The following STUM variants were observed in gnomAD, a reference collection of about 807,000 sequenced individuals.
STUM encodes protein stum homolog.
A neutral mutation model predicts 15.3 loss-of-function variants in STUM; 8 were observed. The ratio of observed to expected loss-of-function variants is 0.52; its 90% confidence interval spans 0.31 to 0.94. The LOEUF (loss-of-function observed/expected upper bound fraction) is 0.94, where lower values mean the gene tolerates loss of function less well. STUM is among the 40% of genes least tolerant of loss of function. STUM has a pLI of 0.05. For missense variants in STUM, 142 were observed against 204.9 expected (o/e 0.69, Z 1.87); for synonymous variants, 78 against 88.7 (o/e 0.88, Z 0.68).
chr1:226,578,946 G>C (rs1667868620), intron 1 of STUM, among the ~76,000 whole-genome samples: 3 of 152,230 alleles, frequency 2.0e-5, no homozygotes, highest in Admixed American at 1.3e-4. Flanking sequence ...TTTTGAAGGA[G>C]AATCTTGGGG....
rs529375747 is a variant in STUM at position 226,572,320 on chromosome 1, A to G, written c.202+23214A>G. 3.3e-5 allele frequency among the ~76,000 whole-genome samples: 5 copies of G among 152,276 alleles called. No homozygotes were observed. In the South Asian group the frequency reaches 8.3e-4, roughly 25 times the overall value. On this transcript the variant is annotated intron_variant, in intron 1 of 3. Transcript: ENST00000366788. ...TTTTCAGTCTGTTTTTCTAATACCT[A>G]CTACATTCATTTAACAACTTTCAAC...
At chr1:226,589,426 C>G (rs1205900757) in intron 1 of STUM, among the ~76,000 whole-genome samples, 1 of 152,162 alleles carries the variant, frequency 6.6e-6, no homozygotes, top group Non-Finnish European at 1.5e-5. Context: ...TTTTCTCTCC[C>G]TACTGCCTTG....
intron 1 of STUM, among the ~76,000 whole-genome samples, chr1:226,593,543 A>G (rs1318765317): frequency 1.3e-5 from 2 of 152,090 alleles, no homozygotes; most frequent in Non-Finnish European, 2.9e-5. Flanking sequence ...GTACACTGTG[A>G]GTTCTTGAGG....
chr1:226,564,480 A>G (rs1223691215), intron 1 of STUM, among the ~76,000 whole-genome samples: 1 of 152,080 alleles, frequency 6.6e-6, no homozygotes, highest in Non-Finnish European at 1.5e-5. Flanking sequence ...AAAGAGTGTG[A>G]TTCTTAACAT....
intron 1 of STUM, among the ~76,000 whole-genome samples, chr1:226,550,379 T>C (rs1226789274): frequency 6.6e-6 from 1 of 152,176 alleles, no homozygotes; most frequent in African/African-American, 2.4e-5. Context: ...TGGCCTTTAG[T>C]TGGGCTTCTC....
intron 2 of STUM, among the ~76,000 whole-genome samples, chr1:226,598,144 G>A (rs1668213202): frequency 6.6e-6 from 1 of 152,196 alleles, no homozygotes; most frequent in Admixed American, 6.5e-5. Context: ...TGTCTGGAGA[G>A]GTGAAGAGCA....
At chr1:226,597,049 A>C in intron 2 of STUM, 68 bp downstream of exon 2, 6 of 1,453,758 alleles carry the variant, frequency 4.1e-6, no homozygotes, top group Non-Finnish European at 5.8e-6. Context: ...GGCTTGGGAG[A>C]CCTTCATGTC....
At position 226,552,100 on chromosome 1, in the gene STUM, G is replaced by A. The variant is rs1332655559; in HGVS notation, c.202+2994G>A. The stretch of plus-strand genomic sequence containing the variant: ...TTTTTTATTTTTATTTTTTCCCTTT[G>A]ATGTAGGTGTCTCAGGTCCATCCAG... On this transcript the variant is annotated intron_variant, in intron 1 of 3. Coordinates refer to ENST00000366788, the MANE Select transcript of STUM (RefSeq NM_001003665.4). The surrounding 1 kb of genome is among the most constrained non-coding windows in gnomAD (Gnocchi z 4.7). 1.3e-5 allele frequency among the ~76,000 whole-genome samples: 2 copies of A among 151,974 alleles called. No homozygotes were observed. The highest frequency in any genetic ancestry group is 2.9e-5 in the Non-Finnish European group (2 of 68,006).
intron 1 of STUM, among the ~76,000 whole-genome samples, chr1:226,572,148 C>A (rs1667721623): frequency 6.6e-6 from 1 of 152,180 alleles, no homozygotes; most frequent in South Asian, 2.1e-4. Context: ...CGGTGAGAAC[C>A]TGCCACCCTT....
chr1:226,557,003 C>G (rs561618383), intron 1 of STUM, among the ~76,000 whole-genome samples: 118 of 152,278 alleles, frequency 7.7e-4, no homozygotes, highest in African/African-American at 2.7e-3. Flanking sequence ...AGTTTACTCC[C>G]TTAGCAACTT....
At chr1:226,581,675 C>CA in intron 1 of STUM, among the ~76,000 whole-genome samples, 1 of 152,136 alleles carries the variant, frequency 6.6e-6, no homozygotes, top group East Asian at 1.9e-4. Context: ...GGAGGATGGA[C>CA]AGCCAGGTAG....
chr1:226,549,439 C>T lies in STUM; in HGVS notation c.202+333C>T, dbSNP rs1418397631. 1.3e-5 allele frequency among the ~76,000 whole-genome samples: 2 copies of T among 152,204 alleles called. No individual in the cohort carries two copies. Among genetic ancestry groups the T allele is most frequent in the Non-Finnish European group, 2.9e-5 (2 of 68,028 alleles). ...TCCCGTCCCGGCGCCCCGATTTCTG[C>T]TCCTTCTCTCCGTCGTGTGCATCCG... On this transcript the variant is annotated intron_variant, in intron 1 of 3. Coordinates refer to ENST00000366788, the MANE Select transcript of STUM (RefSeq NM_001003665.4). This position sits in a 1 kb window ranked among gnomAD's most constrained non-coding sequence, Gnocchi z 6.8.
In STUM at chr1:226,560,357, T is replaced by C. The variant is rs113823978; in HGVS notation, c.202+11251T>C. Reference sequence around the variant, plus strand: ...TTTGGGAACCTTTTTGCCGTTGCTGTCTCCAAGTTCTGCCAGTGCAGGAAT... The same window carrying C: ...TTTGGGAACCTTTTTGCCGTTGCTGCCTCCAAGTTCTGCCAGTGCAGGAAT... On this transcript the variant is annotated intron_variant, in intron 1 of 3. Coordinates refer to ENST00000366788, the MANE Select transcript of STUM (RefSeq NM_001003665.4). 9.7e-3 allele frequency among the ~76,000 whole-genome samples: 1,475 copies of C among 152,234 alleles called. 7 individuals carry two copies. The highest frequency in any genetic ancestry group is 0.015 in the Non-Finnish European group (1,018 of 68,020).
chr1:226,583,977 T>G (rs1239303978), intron 1 of STUM, among the ~76,000 whole-genome samples: 1 of 152,152 alleles, frequency 6.6e-6, no homozygotes, highest in African/African-American at 2.4e-5. Context: ...TCTATTGTTG[T>G]GTAGAAAACA....
At chr1:226,582,640 C>A (rs1415118593) in intron 1 of STUM, among the ~76,000 whole-genome samples, 1 of 151,924 alleles carries the variant, frequency 6.6e-6, no homozygotes, top group Non-Finnish European at 1.5e-5. Context: ...TGAAGGGTCA[C>A]CCCAAAGTCA....
chr1:226,575,157 G>A (rs1180296539), intron 1 of STUM, among the ~76,000 whole-genome samples: 1 of 152,226 alleles, frequency 6.6e-6, no homozygotes, highest in Non-Finnish European at 1.5e-5. Flanking sequence ...GTGGGCTCAG[G>A]CAGTCGGGTA....
intron 1 of STUM, among the ~76,000 whole-genome samples, chr1:226,570,686 C>T (rs116799632): frequency 0.014 from 2,058 of 152,250 alleles, 21 homozygotes; most frequent in South Asian, 0.038. Context: ...GGAGCTGCAG[C>T]ATCCAAACAA....
chr1:226,560,162 A>AC (rs1300353748), intron 1 of STUM, among the ~76,000 whole-genome samples: 5 of 152,198 alleles, frequency 3.3e-5, no homozygotes, highest in African/African-American at 1.2e-4. Context: ...AAGACAAAAA[A>AC]ACACACAAAG....
chr1:226,556,515 C>G (rs1298198069), intron 1 of STUM, among the ~76,000 whole-genome samples: 1 of 152,164 alleles, frequency 6.6e-6, no homozygotes, highest in African/African-American at 2.4e-5. Context: ...AGATGAGCAA[C>G]AGGCTAAACA....
Sources: gnomAD v4.1 joint callset for allele counts (sites outside exome capture counted in the v4.1 genomes callset) on GRCh38, gnomAD v4.1.1 for gene constraint, Gnocchi (gnomAD v3.1) non-coding constraint, MANE v1.5 for transcripts, NCBI Gene and HGNC (gene_info 2026-07-23, HGNC 2026-07-21) for gene names.